The following VAT1L variants were observed in gnomAD, a reference collection of about 807,000 sequenced individuals.
VAT1L encodes the protein putative NADPH-dependent quinone oxidoreductase VAT1L.
A neutral mutation model predicts 44.1 loss-of-function variants in VAT1L; 34 were observed. The ratio of observed to expected loss-of-function variants is 0.77; its 90% CI spans 0.59 to 1.03. VAT1L has a LOEUF of 1.03. Ranked by LOEUF, VAT1L falls within the 50% of genes least tolerant of loss-of-function variation. VAT1L has a pLI of 0.00. For synonymous variants in VAT1L, 253 were observed against 202.2 expected, an observed-to-expected ratio of 1.25 and a Z score of -2.13; for missense variants, 615 against 538.8, an observed-to-expected ratio of 1.14 and a Z score of -1.40.
chr16:77,805,339 A>T (rs2016136343), intron 1 of VAT1L, among the ~76,000 whole-genome samples: 1 of 152,072 alleles, frequency 6.6e-6, no homozygotes, highest in Admixed American at 6.5e-5. Context: ...AAAAAGATTT[A>T]TGCCCAAGAT....
chr16:77,948,551 AT>A (rs539784332), intron 7 of VAT1L, among the ~76,000 whole-genome samples: 13 of 152,174 alleles, frequency 8.5e-5, no homozygotes, highest in Non-Finnish European at 1.8e-4. Flanking sequence ...TTTCAAACAT[AT>A]AAAAGCAGCA....
intron 7 of VAT1L, among the ~76,000 whole-genome samples, chr16:77,948,458 G>T (rs374458): frequency 0.43 from 65,224 of 151,998 alleles, 14,364 homozygotes; most frequent in Middle Eastern, 0.56. Flanking sequence ...TCACAGTTGA[G>T]CATTTGAGTG....
At chr16:77,935,624 G>C (rs532432636) in intron 7 of VAT1L, among the ~76,000 whole-genome samples, 4 of 151,960 alleles carry the variant, frequency 2.6e-5, no homozygotes, top group Admixed American at 1.3e-4. Context: ...AGGGATGAGT[G>C]GGGGGAAGAG....
chr16:77,874,500 A>C (rs888792441), intron 4 of VAT1L, among the ~76,000 whole-genome samples: 2 of 152,214 alleles, frequency 1.3e-5, no homozygotes, highest in African/African-American at 4.8e-5. Flanking sequence ...TTCATACTCC[A>C]GCCACACTGG....
At chr16:77,941,506 T>C (rs1478051220) in intron 7 of VAT1L, among the ~76,000 whole-genome samples, 1 of 152,208 alleles carries the variant, frequency 6.6e-6, no homozygotes. Context: ...CATGACAGAA[T>C]GATTTATATT....
intron 7 of VAT1L, among the ~76,000 whole-genome samples, chr16:77,963,174 T>C (rs1185895602): frequency 2.0e-5 from 3 of 152,166 alleles, no homozygotes; most frequent in Non-Finnish European, 4.4e-5. Context: ...CACGCAAACG[T>C]GCCCACATCC....
At chr16:77,876,574 AGTGGGATGGGG>A in intron 5 of VAT1L, 101 bp downstream of exon 5, 1 of 1,003,582 alleles carries the variant, frequency 1.0e-6, no homozygotes. Flanking sequence ...ATGTTGGGGT[AGTGGGATGGGG>A]GTGTTTCATT....
chr16:77,812,765 C>A (rs991924068), intron 1 of VAT1L, among the ~76,000 whole-genome samples: 138 of 152,296 alleles, frequency 9.1e-4, no homozygotes, highest in African/African-American at 3.2e-3. Context: ...AACTGTTGAG[C>A]TTTTCAGGGT....
chr16:77,825,745 C>T (rs1004689383), intron 3 of VAT1L, among the ~76,000 whole-genome samples: 1 of 151,606 alleles, frequency 6.6e-6, no homozygotes, highest in African/African-American at 2.4e-5. Flanking sequence ...GGCCGGGCGC[C>T]GTGACTCACG....
chr16:77,886,265 C>G (rs1277754779), intron 7 of VAT1L, among the ~76,000 whole-genome samples: 1 of 152,166 alleles, frequency 6.6e-6, no homozygotes, highest in Non-Finnish European at 1.5e-5. Context: ...GAGTCAGACA[C>G]CCATATGGTA....
intron 5 of VAT1L, among the ~76,000 whole-genome samples, chr16:77,877,436 C>G (rs2017099419): frequency 6.8e-6 from 1 of 146,300 alleles, no homozygotes; most frequent in African/African-American, 2.5e-5. Context: ...TGGCATGAAC[C>G]CGGGAGGCGG....
At chr16:77,791,064 A>G (rs1480216534) in intron 1 of VAT1L, among the ~76,000 whole-genome samples, 1 of 152,318 alleles carries the variant, frequency 6.6e-6, no homozygotes, top group Non-Finnish European at 1.5e-5. Flanking sequence ...CCTTTCACCA[A>G]GCTGGAAGCA....
rs532835069 is a variant in VAT1L, at chr16:77,884,125, T to C, written c.883-483T>C. 3.2e-4 allele frequency among the ~76,000 whole-genome samples: 49 copies of C among 152,282 alleles called. No homozygotes were observed. In the South Asian group the frequency reaches 9.3e-3, roughly 29 times the overall value. ...GCGTCTCATAAGCATCAATGTCTAT[T>C]GCTTCCCATGCACTTGCAACAGTGC... On this transcript the variant is annotated intron_variant, in intron 6 of 8. Transcript: ENST00000302536. The surrounding 1 kb of genome is among the most constrained non-coding windows in gnomAD (Gnocchi z 4.5).
intron 7 of VAT1L, among the ~76,000 whole-genome samples, chr16:77,939,408 G>A (rs1024340293): frequency 6.6e-6 from 1 of 152,202 alleles, no homozygotes; most frequent in African/African-American, 2.4e-5. Context: ...GGTGGGGACG[G>A]TGGGAGTAGT....
In VAT1L at chr16:77,878,889, CA is replaced by C. The variant is rs528717638; in HGVS notation, c.827-277del. Among the ~76,000 whole-genome samples the C allele has an allele frequency of 6.1e-3, 925 of 152,254 alleles. 5 individuals are homozygous for C. Among genetic ancestry groups the C allele is most frequent in the Non-Finnish European group, 0.011 (726 of 68,018 alleles). ...CATTTCAGCAACTCATCATTTTATT[CA>C]AACGTTGGCCTACATCATATTTTTG... On this transcript the variant is annotated intron_variant, in intron 5 of 8. Transcript: ENST00000302536.
chr16:77,893,532 C>A (rs1449477290), intron 7 of VAT1L, among the ~76,000 whole-genome samples: 3 of 152,228 alleles, frequency 2.0e-5, no homozygotes, highest in African/African-American at 7.2e-5. Context: ...GTCAAATCCT[C>A]AACCACATTC....
rs2018195402 is a variant in VAT1L at position 77,964,180 on chromosome 16, T to C, written c.1078-7670T>C. 2.0e-5 allele frequency among the ~76,000 whole-genome samples: 3 copies of C among 152,158 alleles called. No individual in the cohort carries two copies. The South Asian group carries it at 6.2e-4, about 32-fold the overall frequency. Reference sequence around the variant, plus strand: ...CTCAGCTCTTTCTGTGGCTCACTCCTTCCTGCTCTTCAGGTCTCACCCATC... The same window carrying C: ...CTCAGCTCTTTCTGTGGCTCACTCCCTCCTGCTCTTCAGGTCTCACCCATC... On this transcript the variant is annotated intron_variant, in intron 7 of 8. Transcript: ENST00000302536.
intron 4 of VAT1L, among the ~76,000 whole-genome samples, chr16:77,867,100 A>C (rs888468319): frequency 6.6e-6 from 1 of 152,176 alleles, no homozygotes; most frequent in Non-Finnish European, 1.5e-5. Context: ...ACAATCCTGC[A>C]AGGTGAACAT....
chr16:77,850,346 T>C (rs935474496), intron 3 of VAT1L, among the ~76,000 whole-genome samples: 11 of 152,188 alleles, frequency 7.2e-5, no homozygotes, highest in African/African-American at 2.4e-4. Context: ...GCTAAGGCTA[T>C]CAGTTCAGAG....
Sources: gnomAD v4.1 joint callset for allele counts (sites outside exome capture counted in the v4.1 genomes callset) on GRCh38, gnomAD v4.1.1 for gene constraint, Gnocchi (gnomAD v3.1) non-coding constraint, MANE v1.5 for transcripts, NCBI Gene and HGNC (gene_info 2026-07-23, HGNC 2026-07-21) for gene names.